Variants in MID2 observed in about 807,000 individuals in gnomAD.
MID2 encodes probable E3 ubiquitin-protein ligase MID2.
MID2 carries 13 observed loss-of-function variants against 46.1 expected under a neutral mutation model. The observed-to-expected ratio is 0.28, with a 90% CI of 0.18 to 0.45. MID2 has a LOEUF of 0.45. Among genes scored for constraint, MID2 ranks in the 20% least tolerant of loss-of-function variants. The pLI, the probability that MID2 is intolerant of heterozygous loss-of-function variation, is 1.00. For synonymous variants in MID2, 199 were observed against 212.3 expected (o/e 0.94, Z 0.55); for missense variants, 431 against 575.4 (o/e 0.75, Z 2.57).
At chrX:107,858,750 C>T (rs904539926) in intron 3 of MID2, among the ~76,000 whole-genome samples, 14 of 112,221 alleles carry the variant, frequency 1.2e-4, no homozygotes, top group African/African-American at 4.5e-4. Flanking sequence ...TTGTTCTTAG[C>T]TTTTAGGGCA....
At chrX:107,890,536 G>A (rs763180266) in intron 3 of MID2, among the ~76,000 whole-genome samples, 2 of 112,189 alleles carry the variant, frequency 1.8e-5, no homozygotes, top group Non-Finnish European at 3.8e-5. Context: ...CTACTGGGGG[G>A]TGCCTCCCAG....
intron 7 of MID2, among the ~76,000 whole-genome samples, chrX:107,919,574 G>C (rs1933031074): frequency 9.0e-6 from 1 of 111,406 alleles, no homozygotes; most frequent in South Asian, 3.8e-4. Context: ...TCTTTCAATT[G>C]CTCTTCATAT....
At chrX:107,826,796 C>T (rs1443571596) in intron 1 of MID2, among the ~76,000 whole-genome samples, 1 of 113,544 alleles carries the variant, frequency 8.8e-6, no homozygotes, top group East Asian at 2.8e-4. Flanking sequence ...AAGGGCACGG[C>T]CGCCTTCCCA....
chrX:107,885,707 A>G (rs1271504257), intron 3 of MID2, among the ~76,000 whole-genome samples: 1 of 111,939 alleles, frequency 8.9e-6, no homozygotes, highest in Non-Finnish European at 1.9e-5. Context: ...ACTGACTTCC[A>G]CAATGGTTGA....
intron 1 of MID2, among the ~76,000 whole-genome samples, chrX:107,827,994 T>G (rs1377907600): frequency 8.9e-6 from 1 of 111,946 alleles, no homozygotes; most frequent in African/African-American, 3.3e-5. Flanking sequence ...TGATGGGAGG[T>G]GACTGCGTCA....
chrX:107,885,828 A>G (rs1932439561), intron 3 of MID2, among the ~76,000 whole-genome samples: 1 of 111,763 alleles, frequency 8.9e-6, no homozygotes, highest in South Asian at 3.8e-4. Context: ...CTGGTGTGAG[A>G]TGGTGTCTCA....
intron 1 of MID2, among the ~76,000 whole-genome samples, chrX:107,826,651 CCTGCCA>C (rs1319635013): frequency 1.8e-5 from 2 of 112,989 alleles, no homozygotes; most frequent in African/African-American, 6.4e-5. Context: ...GGCCCGGGTT[CCTGCCA>C]CTGCCCTCCT....
At chrX:107,893,131 TA>T (rs1602490842) in intron 3 of MID2, among the ~76,000 whole-genome samples, 1 of 112,929 alleles carries the variant, frequency 8.9e-6, no homozygotes. Flanking sequence ...TGTCTGTCTA[TA>T]ATCTTTCATG....
chrX:107,891,573 C>T (rs1020687435), intron 3 of MID2, among the ~76,000 whole-genome samples: 27 of 112,093 alleles, frequency 2.4e-4, no homozygotes, highest in African/African-American at 8.1e-4. Context: ...ACCACTGCGC[C>T]CAGCCCATCC....
At chrX:107,871,656 T>C (rs1236651426) in intron 3 of MID2, among the ~76,000 whole-genome samples, 1 of 111,038 alleles carries the variant, frequency 9.0e-6, no homozygotes, top group Non-Finnish European at 1.9e-5. Context: ...AAAGTGGCTC[T>C]CAGCAGGAAG....
At chrX:107,879,047 C>T (rs1932264841) in intron 3 of MID2, among the ~76,000 whole-genome samples, 3 of 110,799 alleles carry the variant, frequency 2.7e-5, no homozygotes, top group African/African-American at 6.6e-5. Flanking sequence ...GGAACCAGGG[C>T]GAGTGCTTTT....
intron 1 of MID2, among the ~76,000 whole-genome samples, chrX:107,834,250 G>A (rs1197496142): frequency 3.6e-5 from 4 of 112,059 alleles, no homozygotes; most frequent in Non-Finnish European, 7.5e-5. Context: ...AAGCCATACA[G>A]AAACAAACAT....
chrX:107,843,659 T>TTG (rs953929479), intron 2 of MID2, among the ~76,000 whole-genome samples: 13 of 110,974 alleles, frequency 1.2e-4, no homozygotes, highest in Non-Finnish European at 2.3e-4. Flanking sequence ...GAGGTACTGG[T>TTG]TGTGTGTGTG....
chrX:107,929,033 A>G lies in MID2; in HGVS notation c.*1960A>G, dbSNP rs1933237309. 9.0e-6 allele frequency among the ~76,000 whole-genome samples: 1 copy of G among 111,346 alleles called. No individual in the cohort carries two copies. The highest frequency in any genetic ancestry group is 3.3e-5 in the African/African-American group (1 of 30,695). On this transcript the variant is annotated 3_prime_UTR_variant, in exon 10 of 10. Coordinates refer to ENST00000262843, the MANE Select transcript of MID2 (RefSeq NM_012216.4). Reference sequence around the variant, plus strand: ...CGTTGTGACCTAGGACAAGTACCTCACTTCTCTGAGCCTGTTTCCTCCTCT... The same window carrying G: ...CGTTGTGACCTAGGACAAGTACCTCGCTTCTCTGAGCCTGTTTCCTCCTCT...
rs138732818 is a variant in MID2, at chrX:107,893,049, A to T, written c.817-10909A>T. 4.2e-3 allele frequency among the ~76,000 whole-genome samples: 474 copies of T among 112,785 alleles called. 2 individuals carry two copies. Among genetic ancestry groups the T allele is most frequent in the African/African-American group, 0.015 (454 of 31,099 alleles). ...ATTTGTTCAATGGTAATATGAAATG[A>T]CCTGTAATGTATCCACATAAATGAG... is the stretch of plus-strand genomic sequence containing the variant. On this transcript the variant is annotated intron_variant, in intron 3 of 9. Transcript: ENST00000262843.
At chrX:107,874,619 G>A (rs1015418198) in intron 3 of MID2, among the ~76,000 whole-genome samples, 1 of 111,485 alleles carries the variant, frequency 9.0e-6, no homozygotes, top group Non-Finnish European at 1.9e-5. Context: ...AGCAAGGTTT[G>A]CTTTAGTTGG....
chrX:107,840,742 C>A lies in MID2; in HGVS notation c.77C>A (p.Ser26Tyr). ...TCACTAAAGATGGAAACACTGGAGT[C>A]TGAATTGACCTGTCCAATCTGCCTA... Reference protein sequence around the residue: ...LFSLKMETLESELTCPICLEL... With the variant: ...LFSLKMETLEYELTCPICLEL... Residue 26 changes from serine to tyrosine, a missense_variant, in exon 2 of 10, where the codon TCT becomes TAT. By Grantham distance (144) the Ser-to-Tyr change is moderately radical. Transcript: ENST00000262843. 1 of 1,211,480 alleles carries A rather than the reference C, an allele frequency of 8.3e-7. No individual in the cohort carries two copies. Among genetic ancestry groups the A allele is most frequent in the Non-Finnish European group, 1.1e-6 (1 of 895,391 alleles).
intron 1 of MID2, among the ~76,000 whole-genome samples, chrX:107,835,838 G>A (rs1931189548): frequency 8.9e-6 from 1 of 111,791 alleles, no homozygotes; most frequent in Non-Finnish European, 1.9e-5. Flanking sequence ...GGTGCTTTTT[G>A]CAGCACTCAA....
At chrX:107,855,221 CCTT>C (rs1931716436) in intron 3 of MID2, among the ~76,000 whole-genome samples, 1 of 111,637 alleles carries the variant, frequency 9.0e-6, no homozygotes, top group African/African-American at 3.3e-5. Context: ...TCACTCATTA[CCTT>C]TCCACTTATT....
Sources: allele counts gnomAD v4.1 joint callset (sites outside exome capture counted in the v4.1 genomes callset), GRCh38; gene constraint gnomAD v4.1.1; transcripts MANE v1.5; gene names NCBI Gene and HGNC (gene_info 2026-07-23, HGNC 2026-07-21).